PAK3: variants seen among roughly 807,000 people sequenced by gnomAD.
The protein encoded by PAK3 is p21 (RAC1) activated kinase 3, also known as serine/threonine-protein kinase PAK 3.
PAK3 carries 4 observed loss-of-function variants against 41.0 expected under a neutral mutation model. That is an observed-to-expected ratio of 0.10 (90% CI 0.05 to 0.22). The LOEUF is 0.22. Ranked by LOEUF, PAK3 falls within the 10% of genes least tolerant of loss-of-function variation. PAK3 has a pLI of 1.00. For missense variants in PAK3, 205 were observed against 409.9 expected (o/e 0.50, Z 4.32); for synonymous variants, 146 against 139.6 (o/e 1.05, Z -0.32).
Position 110,980,713 on chromosome X carries a change from G to C in PAK3, c.-28+36085G>C, listed in dbSNP as rs187100752. Among the ~76,000 whole-genome samples the C allele has an allele frequency of 4.7e-3, 522 of 112,248 alleles. 3 individuals are homozygous for C. The highest frequency in any genetic ancestry group is 7.7e-3 in the Non-Finnish European group (411 of 53,240). On this transcript the variant is annotated intron_variant, in intron 1 of 14. Coordinates refer to the PAK3 transcript ENST00000425146. ...TGCTTAGGTCAAAAAAGTATGGACAGCCATGTAGAAATATGATTAGACATA... is the reference window on the plus strand; with the variant it reads ...TGCTTAGGTCAAAAAAGTATGGACACCCATGTAGAAATATGATTAGACATA...
intron 1 of PAK3, among the ~76,000 whole-genome samples, chrX:111,086,315 A>G (rs998574708): frequency 9.0e-6 from 1 of 111,367 alleles, no homozygotes; most frequent in Non-Finnish European, 1.9e-5. Flanking sequence ...AGCAAATCCA[A>G]ATAAAGCCTA....
intron 5 of PAK3, among the ~76,000 whole-genome samples, chrX:111,123,527 A>C (rs1166845787): frequency 8.9e-6 from 1 of 112,593 alleles, no homozygotes; most frequent in East Asian, 2.8e-4. Context: ...GCCAAGGGTA[A>C]TCATAGCAAC....
intron 1 of PAK3, among the ~76,000 whole-genome samples, chrX:110,992,793 C>A (rs1158997385): frequency 2.7e-5 from 3 of 111,343 alleles, no homozygotes; most frequent in Admixed American, 1.9e-4. Context: ...AATCTGCCTC[C>A]TTTTCACCAC....
At chrX:110,970,192 C>A (rs747485668) in intron 1 of PAK3, among the ~76,000 whole-genome samples, 1 of 112,101 alleles carries the variant, frequency 8.9e-6, no homozygotes. Flanking sequence ...TTGTTGGCCA[C>A]ATAAATATCT....
At chrX:111,059,125 T>C (rs1464722316) in intron 1 of PAK3, among the ~76,000 whole-genome samples, 1 of 102,902 alleles carries the variant, frequency 9.7e-6, no homozygotes, top group African/African-American at 3.5e-5. Flanking sequence ...CTTTTCCTTT[T>C]TTTTTTTTTT....
In PAK3 at chrX:111,225,617, G is replaced by A. The variant is rs1365115092; in HGVS notation, c.*5170G>A. On this transcript the variant is annotated 3_prime_UTR_variant, in exon 18 of 18. Transcript: ENST00000372007. The stretch of plus-strand genomic sequence containing the variant: ...ATAAATACTAGCCTAGGAAGAAGGA[G>A]CCCCGGAGTCTAATATGAGCTTTAT... The A allele has an allele frequency of 1.8e-5, 2 of 111,442 alleles. No individual in the cohort carries two copies. The highest frequency in any genetic ancestry group is 6.5e-5 in the African/African-American group (2 of 30,607). 9.2% of individuals were successfully genotyped at this position (111,442 alleles called of 1,213,427 possible). A position where few individuals can be genotyped will look rare whatever the true frequency, so the allele number is the denominator to read the frequency against.
intron 11 of PAK3, among the ~76,000 whole-genome samples, chrX:111,187,084 T>C (rs772465778): frequency 9.8e-5 from 11 of 112,170 alleles, no homozygotes; most frequent in Non-Finnish European, 2.1e-4. Flanking sequence ...TATTTATTAA[T>C]AGTTTATTTA....
rs1439630606 is a variant in PAK3 at position 111,222,313 on chromosome X, T to C, written c.*1866T>C. Reference sequence around the variant, plus strand: ...TTCTTTAGAGTTTCAGCAAACTATATAGTGTACGTGTTTATGTTCAGGAGA... The same window carrying C: ...TTCTTTAGAGTTTCAGCAAACTATACAGTGTACGTGTTTATGTTCAGGAGA... On this transcript the variant is annotated 3_prime_UTR_variant, in exon 18 of 18. Coordinates refer to ENST00000372007, the MANE Select transcript of PAK3 (RefSeq NM_002578.5). 8.9e-6 allele frequency: 1 copy of C among 111,798 alleles called. No homozygotes were observed. The highest frequency in any genetic ancestry group is 1.9e-5 in the Non-Finnish European group (1 of 53,092). 9.2% of individuals were successfully genotyped at this position (111,798 alleles called of 1,213,427 possible). A position where few individuals can be genotyped will look rare whatever the true frequency, so the allele number is the denominator to read the frequency against.
chrX:111,142,196 TGTAA>T lies in PAK3; in HGVS notation c.276+6_276+9del. Reference sequence around the variant, plus strand: ...TTGATGCAGTCACCGGGGAATTCACTGTAAGTAAGCTCCTTGTTTTGTTTTGTAA... The same window carrying T: ...TTGATGCAGTCACCGGGGAATTCACTGTAAGCTCCTTGTTTTGTTTTGTAA... On this transcript the variant is annotated splice_donor_variant and splice_donor_region_variant and intron_variant, in intron 6 of 17. Transcript: ENST00000372007. LOFTEE classifies it high-confidence loss of function. The T allele has an allele frequency of 1.9e-6, 2 of 1,033,152 alleles. No individual in the cohort carries two copies. Among genetic ancestry groups the T allele is most frequent in the Non-Finnish European group, 2.7e-6 (2 of 731,991 alleles). 85.1% of individuals were successfully genotyped at this position (1,033,152 alleles called of 1,213,427 possible).
intron 5 of PAK3, among the ~76,000 whole-genome samples, chrX:111,128,278 A>T (rs1381827840): frequency 1.8e-5 from 2 of 111,691 alleles, no homozygotes; most frequent in Non-Finnish European, 3.8e-5. Context: ...ATTTGTGGGG[A>T]ATCTAGAGAG....
At chrX:111,138,619 TAAGA>T (rs760911144) in intron 5 of PAK3, among the ~76,000 whole-genome samples, 16 of 110,881 alleles carry the variant, frequency 1.4e-4, no homozygotes, top group Non-Finnish European at 2.8e-4. Flanking sequence ...GGGTAAGAAG[TAAGA>T]CTTTCCAGGC....
At chrX:111,163,441 TC>T in intron 9 of PAK3, 120 bp from the exon 10 acceptor site, 1 of 570,954 alleles carries the variant, frequency 1.8e-6, no homozygotes, top group East Asian at 3.3e-5. Flanking sequence ...CTACTCAAAG[TC>T]CTTTTTTTTT....
intron 5 of PAK3, among the ~76,000 whole-genome samples, chrX:111,126,897 AAGTTGGT>A (rs1319160560): frequency 5.4e-5 from 6 of 111,377 alleles, no homozygotes; most frequent in South Asian, 3.8e-4. Flanking sequence ...GGAGGTAACT[AAGTTGGT>A]ATTTTTCTTC....
At chrX:110,960,788 C>G (rs1418302716) in intron 1 of PAK3, among the ~76,000 whole-genome samples, 1 of 111,778 alleles carries the variant, frequency 8.9e-6, no homozygotes, top group Non-Finnish European at 1.9e-5. Flanking sequence ...AACTGTTCTA[C>G]CTCTGAAATC....
At chrX:111,110,147 G>A (rs182863338) in intron 4 of PAK3, among the ~76,000 whole-genome samples, 3 of 112,506 alleles carry the variant, frequency 2.7e-5, no homozygotes, top group Middle Eastern at 4.6e-3. Context: ...TTTTGTTTAT[G>A]GCTTGTGAAA....
chrX:111,125,380 C>G (rs141408296), intron 5 of PAK3, among the ~76,000 whole-genome samples: 1 of 111,398 alleles, frequency 9.0e-6, no homozygotes, highest in Non-Finnish European at 1.9e-5. Context: ...ACTGTTGACA[C>G]CAATTCAAGT....
intron 1 of PAK3, among the ~76,000 whole-genome samples, chrX:111,027,103 G>C (rs1335530513): frequency 1.8e-5 from 2 of 111,507 alleles, no homozygotes; most frequent in Non-Finnish European, 3.8e-5. Context: ...TAATTGGCAA[G>C]CCACATGTAG....
chrX:111,086,093 A>G (rs868329003), intron 1 of PAK3, among the ~76,000 whole-genome samples: 3 of 60,143 alleles, frequency 5.0e-5, no homozygotes, highest in African/African-American at 1.9e-4. Flanking sequence ...GTGTGTGTGC[A>G]TGTGCACATG....
intron 1 of PAK3, among the ~76,000 whole-genome samples, chrX:111,080,608 C>T (rs2092826510): frequency 9.0e-6 from 1 of 111,555 alleles, no homozygotes; most frequent in Non-Finnish European, 1.9e-5. Context: ...GTCAATATCT[C>T]CAAAGTATAC....
Sources: allele counts gnomAD v4.1 joint callset (sites outside exome capture counted in the v4.1 genomes callset), GRCh38; gene constraint gnomAD v4.1.1; transcripts MANE v1.5; gene names NCBI Gene and HGNC (gene_info 2026-07-23, HGNC 2026-07-21).